The following UNC5D variants were observed in gnomAD, a reference collection of about 807,000 sequenced individuals.
UNC5D encodes the protein netrin receptor UNC5D.
Under a neutral mutation model 105.4 loss-of-function variants are expected in UNC5D, and 39 were observed. The observed-to-expected ratio is 0.37, with a 90% confidence interval of 0.29 to 0.48. The LOEUF is 0.48. UNC5D is among the 20% of genes least tolerant of loss of function. The pLI, the probability that UNC5D is intolerant of heterozygous loss-of-function variation, is 0.98. For synonymous variants in UNC5D, 452 were observed against 450.4 expected, an observed-to-expected ratio of 1.00 and a Z score of -0.04; for missense variants, 991 against 1,202.4, an observed-to-expected ratio of 0.82 and a Z score of 2.60.
intron 1 of UNC5D, among the ~76,000 whole-genome samples, chr8:35,457,599 C>G (rs896852243): frequency 7.9e-5 from 12 of 152,114 alleles, no homozygotes; most frequent in Admixed American, 5.2e-4. Context: ...GTGGGTGCTA[C>G]CTGGAGGCAG....
chr8:35,585,550 G>A (rs902409006), intron 3 of UNC5D, among the ~76,000 whole-genome samples: 14 of 142,102 alleles, frequency 9.9e-5, no homozygotes, highest in African/African-American at 2.9e-4. Context: ...GTGTGTGTGT[G>A]TGTATATATG....
At chr8:35,350,297 A>G (rs1033782993) in intron 1 of UNC5D, among the ~76,000 whole-genome samples, 3 of 151,980 alleles carry the variant, frequency 2.0e-5, no homozygotes, top group Non-Finnish European at 4.4e-5. Flanking sequence ...ATGGGGTCCT[A>G]TCTCAAAAAC....
intron 1 of UNC5D, among the ~76,000 whole-genome samples, chr8:35,455,364 C>T (rs1028779085): frequency 4.6e-5 from 7 of 151,638 alleles, no homozygotes; most frequent in South Asian, 4.2e-4. Context: ...CTGCAGCCTC[C>T]GCCTCTTCAG....
Position 35,750,794 on chromosome 8 carries a change from C to T in UNC5D, c.2148C>T (p.Thr716=), listed in dbSNP as rs1830244389. 6.2e-7 allele frequency: 1 copy of T among 1,613,906 alleles called. No homozygotes were observed. The highest frequency in any genetic ancestry group is 8.5e-7 in the Non-Finnish European group (1 of 1,179,992). Residue 716 remains threonine (T), a synonymous_variant, in exon 13 of 17, where the codon ACC becomes ACT. Transcript: ENST00000404895. Reference sequence around the variant, plus strand: ...TGAGAGTTTACTGTGTGGACAATACCCCTTGTGCATTTCAGGTTAGCCTTT... The same window carrying T: ...TGAGAGTTTACTGTGTGGACAATACTCCTTGTGCATTTCAGGTTAGCCTTT... ...YNLRVYCVDN[T]PCAFQEVVSD...
chr8:35,578,269 C>CAA (rs5890823), intron 3 of UNC5D, among the ~76,000 whole-genome samples: 1 of 71,440 alleles, frequency 1.4e-5, no homozygotes, highest in Non-Finnish European at 2.6e-5. Flanking sequence ...AACTCTGTCT[C>CAA]AAAAAAAAAA....
chr8:35,544,643 C>G lies in UNC5D; in HGVS notation c.104-4649C>G, dbSNP rs1333302728. On this transcript the variant is annotated intron_variant, in intron 1 of 16. Coordinates refer to ENST00000404895, the MANE Select transcript of UNC5D (RefSeq NM_080872.4). Reference sequence around the variant, plus strand: ...TTTGAGACAGAGTCTCAGTCTTTCACTCAGGCTGGAGTGCAATAGTGTGAT... The same window carrying G: ...TTTGAGACAGAGTCTCAGTCTTTCAGTCAGGCTGGAGTGCAATAGTGTGAT... The G allele has an allele frequency of 3.7e-6, 5 of 1,348,224 alleles. No individual in the cohort carries two copies. The Admixed American group carries it at 1.1e-4, about 29-fold the overall frequency. The allele number at this position is 1,348,224 out of a possible 1,614,324, so 83.5% of individuals were successfully genotyped here.
At chr8:35,397,795 T>C (rs1377652208) in intron 1 of UNC5D, among the ~76,000 whole-genome samples, 1 of 152,224 alleles carries the variant, frequency 6.6e-6, no homozygotes, top group Non-Finnish European at 1.5e-5. Context: ...GCCTTCCTAA[T>C]TTAATCCACA....
At chr8:35,354,210 A>G (rs1469706634) in intron 1 of UNC5D, among the ~76,000 whole-genome samples, 10 of 152,126 alleles carry the variant, frequency 6.6e-5, no homozygotes, top group Admixed American at 6.6e-4. Flanking sequence ...TCCAGTACGA[A>G]TAAGATGAAA....
intron 1 of UNC5D, among the ~76,000 whole-genome samples, chr8:35,503,623 A>G (rs1812110241): frequency 6.6e-6 from 1 of 152,196 alleles, no homozygotes; most frequent in Non-Finnish European, 1.5e-5. Context: ...TGTTTTATTC[A>G]CATTCTCTCA....
intron 8 of UNC5D, among the ~76,000 whole-genome samples, chr8:35,712,176 C>G (rs1828005332): frequency 6.6e-6 from 1 of 152,122 alleles, no homozygotes; most frequent in Admixed American, 6.5e-5. Context: ...GAGGCTGAGG[C>G]AGAAGAATCG....
chr8:35,235,959 A>G (rs906565727), intron 1 of UNC5D, 72 bp downstream of exon 1: 31 of 1,184,152 alleles, frequency 2.6e-5, no homozygotes, highest in Admixed American at 2.1e-4. Flanking sequence ...CGGGACCTGC[A>G]CCGATGGCGT....
At chr8:35,548,683 C>T (rs1331758134) in intron 1 of UNC5D, among the ~76,000 whole-genome samples, 2 of 152,154 alleles carry the variant, frequency 1.3e-5, no homozygotes, top group Non-Finnish European at 2.9e-5. Flanking sequence ...TTGCTGGGGG[C>T]AGAGGGTGGG....
At chr8:35,732,992 T>G (rs1829278028) in intron 11 of UNC5D, among the ~76,000 whole-genome samples, 1 of 152,192 alleles carries the variant, frequency 6.6e-6, no homozygotes, top group Non-Finnish European at 1.5e-5. Context: ...GGTTTATCCT[T>G]CTGTGTCTAC....
At chr8:35,418,819 T>C (rs1427989233) in intron 1 of UNC5D, among the ~76,000 whole-genome samples, 1 of 152,200 alleles carries the variant, frequency 6.6e-6, no homozygotes, top group Non-Finnish European at 1.5e-5. Flanking sequence ...GTGTCAAAAA[T>C]TGTTTAGTAC....
At chr8:35,537,465 G>T (rs1814923231) in intron 1 of UNC5D, among the ~76,000 whole-genome samples, 1 of 152,024 alleles carries the variant, frequency 6.6e-6, no homozygotes, top group Non-Finnish European at 1.5e-5. Context: ...GGATCATTTG[G>T]CACCAGGAGT....
In UNC5D at chr8:35,794,911, G is replaced by A. The variant is rs1803198255; in HGVS notation, c.*4348G>A. The A allele has an allele frequency of 6.6e-6, 1 of 152,212 alleles. No homozygotes were observed. Among genetic ancestry groups the A allele is most frequent in the African/African-American group, 2.4e-5 (1 of 41,456 alleles). 9.4% of individuals were successfully genotyped at this position (152,212 alleles called of 1,614,324 possible). On this transcript the variant is annotated 3_prime_UTR_variant, in exon 17 of 17. Coordinates refer to ENST00000404895, the MANE Select transcript of UNC5D (RefSeq NM_080872.4). ...TCAGACCTGGCCGTTAGTCACTAGT[G>A]TGTAGTACCGTGATCTGAAGTAGGA...
intron 4 of UNC5D, among the ~76,000 whole-genome samples, chr8:35,629,377 GT>G (rs1285845621): frequency 6.6e-6 from 1 of 151,938 alleles, no homozygotes; most frequent in African/African-American, 2.4e-5. Context: ...CCTTTGCCCA[GT>G]TTTTAATGGG....
chr8:35,765,206 T>G (rs1416608561), intron 14 of UNC5D, among the ~76,000 whole-genome samples: 1 of 152,048 alleles, frequency 6.6e-6, no homozygotes, highest in African/African-American at 2.4e-5. Context: ...CTAACATGAG[T>G]GCCTCTTGTG....
At chr8:35,465,319 C>T (rs185158785) in intron 1 of UNC5D, among the ~76,000 whole-genome samples, 17 of 152,274 alleles carry the variant, frequency 1.1e-4, no homozygotes, top group African/African-American at 3.6e-4. Flanking sequence ...ATGTGCCTGG[C>T]ATGTCAAGGC....
Sources: allele counts gnomAD v4.1 joint callset (sites outside exome capture counted in the v4.1 genomes callset), GRCh38; gene constraint gnomAD v4.1.1; transcripts MANE v1.5; gene names NCBI Gene and HGNC (gene_info 2026-07-23, HGNC 2026-07-21).